The following ANK2 variants were observed in gnomAD, a reference collection of about 807,000 sequenced individuals.
The protein encoded by ANK2 is ankyrin 2.
Under a neutral mutation model 360.5 loss-of-function variants are expected in ANK2, and 83 were observed. That is an observed-to-expected ratio of 0.23 (90% confidence interval 0.19 to 0.28). The LOEUF is 0.28. ANK2 is among the 10% of genes least tolerant of loss of function. ANK2 has a pLI of 1.00. For synonymous variants in ANK2, 1,740 were observed against 1,759.5 expected, an observed-to-expected ratio of 0.99 and a Z score of 0.28; for missense variants, 4,201 against 4,795.7, an observed-to-expected ratio of 0.88 and a Z score of 3.66.
At chr4:112,933,331 T>G (rs1316938312) in intron 2 of ANK2, among the ~76,000 whole-genome samples, 1 of 152,142 alleles carries the variant, frequency 6.6e-6, no homozygotes, top group Non-Finnish European at 1.5e-5. Context: ...TGTCTGAAAT[T>G]TTTCAAAATA....
intron 2 of ANK2, among the ~76,000 whole-genome samples, chr4:113,011,884 A>G (rs900906409): frequency 1.3e-5 from 2 of 152,066 alleles, no homozygotes; most frequent in Non-Finnish European, 2.9e-5. Context: ...AAACAATTTT[A>G]TGCATATTTC....
intron 2 of ANK2, among the ~76,000 whole-genome samples, chr4:112,985,479 G>T (rs983911405): frequency 6.6e-6 from 1 of 152,152 alleles, no homozygotes; most frequent in Non-Finnish European, 1.5e-5. Context: ...CATCTCTTTT[G>T]TGGGTTTTAA....
chr4:112,864,045 G>A (rs1019174513), intron 1 of ANK2, among the ~76,000 whole-genome samples: 2 of 152,166 alleles, frequency 1.3e-5, no homozygotes, highest in African/African-American at 4.8e-5. Context: ...CCAAAAAATT[G>A]TCTAAATGTA....
upstream of ANK2, among the ~76,000 whole-genome samples, chr4:113,048,313 G>C (rs1401587206): frequency 9.9e-6 from 1 of 100,920 alleles, no homozygotes; most frequent in Non-Finnish European, 1.9e-5. Flanking sequence ...TTTTTTCAAG[G>C]CGGAGTCTTG....
chr4:112,722,242 G>A, the ANK2 span, among the ~76,000 whole-genome samples: 4 of 152,218 alleles, frequency 2.6e-5, no homozygotes, highest in Non-Finnish European at 2.9e-5. Context: ...CAAAGCATAC[G>A]AATTTGGACC....
intron 2 of ANK2, among the ~76,000 whole-genome samples, chr4:112,945,914 C>A (rs1213281411): frequency 2.0e-5 from 3 of 152,104 alleles, no homozygotes; most frequent in Non-Finnish European, 4.4e-5. Context: ...TGCTACCTTG[C>A]AACAAGACTG....
At position 113,159,678 on chromosome 4, in the gene ANK2, G is replaced by A. The variant is rs561179586; in HGVS notation, c.85-14738G>A. 1.9e-4 allele frequency among the ~76,000 whole-genome samples: 29 copies of A among 151,396 alleles called. No homozygotes were observed. The East Asian group carries it at 2.1e-3, about 11-fold the overall frequency. On this transcript the variant is annotated intron_variant, in intron 1 of 45. Coordinates refer to ENST00000357077, the MANE Select transcript of ANK2 (RefSeq NM_001148.6). The stretch of plus-strand genomic sequence containing the variant: ...GGCTGGAGTGCAGTGGCACGATCTC[G>A]GCTCACTGTAAACTTTGCCTCCCGG...
chr4:112,773,046 G>A, the ANK2 span, among the ~76,000 whole-genome samples: 2 of 152,188 alleles, frequency 1.3e-5, no homozygotes, highest in African/African-American at 2.4e-5. Flanking sequence ...GGTTGGATGC[G>A]GTGGCTCATA....
intron 2 of ANK2, among the ~76,000 whole-genome samples, chr4:113,019,697 G>T (rs1013016464): frequency 6.6e-5 from 10 of 152,038 alleles, no homozygotes. Context: ...CCAGAATCTG[G>T]TTTTGAAACT....
At chr4:113,254,536 T>C (rs914245994) in intron 10 of ANK2, among the ~76,000 whole-genome samples, 12 of 152,232 alleles carry the variant, frequency 7.9e-5, no homozygotes, top group Non-Finnish European at 1.5e-4. Flanking sequence ...TGCAATTATC[T>C]TCCCCTCAAT....
chr4:113,136,348 T>C (rs1405879942), intron 1 of ANK2, among the ~76,000 whole-genome samples: 1 of 152,020 alleles, frequency 6.6e-6, no homozygotes, highest in Non-Finnish European at 1.5e-5. Flanking sequence ...GGAATAGTTA[T>C]TAATAAAAGT....
chr4:112,844,822 C>T (rs1042530241), intron 1 of ANK2, among the ~76,000 whole-genome samples: 2 of 152,086 alleles, frequency 1.3e-5, no homozygotes, highest in African/African-American at 2.4e-5. Context: ...TTTTAGTATC[C>T]ATAAAATTAA....
intron 1 of ANK2, among the ~76,000 whole-genome samples, chr4:113,153,807 T>TAA (rs990053791): frequency 6.6e-6 from 1 of 152,200 alleles, no homozygotes; most frequent in Admixed American, 6.5e-5. Context: ...GGCTGAGCTT[T>TAA]ACTCCAGACC....
At chr4:113,181,745 C>T (rs907057073) in intron 2 of ANK2, among the ~76,000 whole-genome samples, 7 of 151,966 alleles carry the variant, frequency 4.6e-5, no homozygotes, top group Admixed American at 2.0e-4. Context: ...GTGAGAGAAC[C>T]GCACAGAAGG....
chr4:113,269,337 G>A (rs1217170326), intron 14 of ANK2, among the ~76,000 whole-genome samples: 1 of 152,208 alleles, frequency 6.6e-6, no homozygotes, highest in African/African-American at 2.4e-5. Flanking sequence ...AAAAACTCCT[G>A]TAGCTAGCTC....
intron 1 of ANK2, among the ~76,000 whole-genome samples, chr4:113,155,191 C>T (rs749615272): frequency 2.6e-5 from 4 of 152,082 alleles, no homozygotes; most frequent in Admixed American, 1.3e-4. Flanking sequence ...CTTTGTGAAC[C>T]GAGTATTAAC....
rs755287627 is a variant in ANK2 at position 113,353,494 on chromosome 4, A to G, written c.4876A>G (p.Lys1626Glu). Residue 1626 changes from lysine (K) to glutamate (E), a missense_variant, in exon 38 of 46, where the codon AAA becomes GAA. Physicochemically the swap from Lys to Glu is moderately conservative, Grantham distance 56. Around this residue, in one of 4 missense-constraint regions of ANK2, gnomAD observed 1,268 missense variants for 1,650.8 expected, o/e 0.77. Coordinates refer to ENST00000357077, the MANE Select transcript of ANK2 (RefSeq NM_001148.6). ...CVEVRIDKEIKGKVEKDSTGL... is the reference protein window; with the variant it reads ...CVEVRIDKEIEGKVEKDSTGL... ...AGAAGTTAGAATAGATAAAGAGATC[A>G]AAGGAAAAGTAGAGAAAGACTCAAC... The G allele has an allele frequency of 6.2e-6, 10 of 1,613,972 alleles. No homozygotes were observed. In the East Asian group the frequency reaches 2.0e-4, roughly 32 times the overall value.
intron 9 of ANK2, 82 bp from the exon 10 acceptor site, chr4:113,249,682 A>T: frequency 1.6e-6 from 2 of 1,275,962 alleles, no homozygotes; most frequent in Non-Finnish European, 2.3e-6. Flanking sequence ...GAGTTTAGGA[A>T]CTCCCTCTTT....
chr4:113,178,022 A>G (rs1035616177), intron 2 of ANK2, among the ~76,000 whole-genome samples: 11 of 152,210 alleles, frequency 7.2e-5, no homozygotes, highest in Non-Finnish European at 1.6e-4. Context: ...AATTATACAA[A>G]TTAAAATTGA....
Sources: allele counts gnomAD v4.1 joint callset (sites outside exome capture counted in the v4.1 genomes callset), GRCh38; gene constraint gnomAD v4.1.1; regional missense constraint gnomAD v4.1.1; transcripts MANE v1.5; gene names NCBI Gene and HGNC (gene_info 2026-07-23, HGNC 2026-07-21).